Variants in NRG3 observed in about 807,000 individuals in gnomAD.
The protein encoded by NRG3 is pro-neuregulin-3, membrane-bound isoform.
In NRG3, 31 loss-of-function variants were observed where a neutral mutation model predicts 66.9. The observed-to-expected ratio is 0.46, with a 90% CI of 0.35 to 0.63. The LOEUF is 0.63. Among genes scored for constraint, NRG3 ranks in the 20% least tolerant of loss-of-function variants. The pLI is 0.00. For synonymous variants in NRG3, 393 were observed against 359.4 expected (o/e 1.09, Z -1.06); for missense variants, 910 against 878.9 (o/e 1.04, Z -0.45).
intron 1 of NRG3, among the ~76,000 whole-genome samples, chr10:82,253,919 A>G (rs1414772): frequency 0.44 from 66,220 of 151,926 alleles, 16,309 homozygotes; most frequent in African/African-American, 0.68. Flanking sequence ...TTCCAATTCA[A>G]TGTATTTTGC....
intron 1 of NRG3, among the ~76,000 whole-genome samples, chr10:82,342,955 GAT>G (rs1287465095): frequency 6.6e-6 from 1 of 152,046 alleles, no homozygotes; most frequent in Admixed American, 6.6e-5. Context: ...TATGGTAAGA[GAT>G]ATGGGTATGG....
At chr10:82,489,979 A>G (rs551206950) in intron 2 of NRG3, among the ~76,000 whole-genome samples, 116 of 152,300 alleles carry the variant, frequency 7.6e-4, no homozygotes, top group African/African-American at 2.7e-3. Flanking sequence ...AAGATAGGGA[A>G]GCCAAGGCAC....
chr10:82,508,949 A>G (rs1844919239), intron 2 of NRG3, among the ~76,000 whole-genome samples: 1 of 152,170 alleles, frequency 6.6e-6, no homozygotes, highest in Non-Finnish European at 1.5e-5. Flanking sequence ...GAGTTTTCCT[A>G]GTGATCTTAT....
intron 3 of NRG3, among the ~76,000 whole-genome samples, chr10:82,823,453 G>T (rs907620513): frequency 6.6e-6 from 1 of 152,188 alleles, no homozygotes; most frequent in African/African-American, 2.4e-5. Context: ...ACTAGAATGT[G>T]ACAGTGAACC....
chr10:82,636,994 A>G (rs982637097), intron 2 of NRG3, among the ~76,000 whole-genome samples: 9 of 152,134 alleles, frequency 5.9e-5, no homozygotes, highest in Admixed American at 2.6e-4. Flanking sequence ...TACAAAGTAC[A>G]ACATGAAGAC....
intron 2 of NRG3, among the ~76,000 whole-genome samples, chr10:82,623,487 C>T (rs936124452): frequency 6.6e-6 from 1 of 152,114 alleles, no homozygotes; most frequent in East Asian, 1.9e-4. Context: ...CTCATTTATT[C>T]ATCCATCCCA....
intron 1 of NRG3, among the ~76,000 whole-genome samples, chr10:82,008,441 G>A (rs1008886566): frequency 6.6e-6 from 1 of 152,186 alleles, no homozygotes; most frequent in Non-Finnish European, 1.5e-5. Context: ...GTGCTAAATA[G>A]AAAAATAGAA....
In NRG3 at chr10:82,567,737, A is replaced by G. The variant is rs115216286; in HGVS notation, c.954-170840A>G. 4.3e-3 allele frequency among the ~76,000 whole-genome samples: 657 copies of G among 152,070 alleles called. 2 individuals carry two copies. Among genetic ancestry groups the G allele is most frequent in the African/African-American group, 0.015 (627 of 41,534 alleles). ...CCTTACTCCTTCATTGAATTGTCCT[A>G]AATCCTGCTGGTACTGCTTCCAAAT... is the stretch of plus-strand genomic sequence containing the variant. On this transcript the variant is annotated intron_variant, in intron 2 of 8. Transcript: ENST00000372141.
At chr10:82,216,735 G>T (rs929015140) in intron 1 of NRG3, among the ~76,000 whole-genome samples, 14 of 151,892 alleles carry the variant, frequency 9.2e-5, no homozygotes, top group Non-Finnish European at 1.5e-5. Flanking sequence ...TTGTTAAACT[G>T]AAAATAATCA....
chr10:82,571,786 C>CA (rs2045750773), intron 2 of NRG3, among the ~76,000 whole-genome samples: 1 of 151,508 alleles, frequency 6.6e-6, no homozygotes, highest in Non-Finnish European at 1.5e-5. Context: ...AACAAATATA[C>CA]AAAAAGCCCA....
chr10:81,984,614 C>T (rs182096754), intron 1 of NRG3, among the ~76,000 whole-genome samples: 50 of 152,322 alleles, frequency 3.3e-4, no homozygotes, highest in African/African-American at 1.2e-3. Context: ...AACTCCTATT[C>T]ACTCGTCAAG....
At chr10:82,219,308 T>G (rs958056372) in intron 1 of NRG3, among the ~76,000 whole-genome samples, 1 of 147,722 alleles carries the variant, frequency 6.8e-6, no homozygotes, top group Non-Finnish European at 1.5e-5. Context: ...TCAAAAAAAT[T>G]TTTTGGCAAT....
intron 1 of NRG3, among the ~76,000 whole-genome samples, chr10:82,261,964 C>T (rs930595967): frequency 2.0e-5 from 3 of 152,100 alleles, no homozygotes; most frequent in African/African-American, 7.2e-5. Flanking sequence ...TAAACAGAGA[C>T]CTCCCCCTTC....
chr10:82,690,940 C>T (rs1193550372), intron 2 of NRG3, among the ~76,000 whole-genome samples: 1 of 152,132 alleles, frequency 6.6e-6, no homozygotes, highest in Non-Finnish European at 1.5e-5. Flanking sequence ...CTCTTTCTTC[C>T]AGCCTGGTAC....
intron 3 of NRG3, among the ~76,000 whole-genome samples, chr10:82,787,872 C>A (rs970219868): frequency 1.3e-5 from 2 of 152,128 alleles, no homozygotes; most frequent in African/African-American, 4.8e-5. Context: ...TGGGGAGAAC[C>A]ACTTGGCTAT....
intron 2 of NRG3, among the ~76,000 whole-genome samples, chr10:82,558,521 A>C (rs1050063308): frequency 5.9e-5 from 9 of 152,298 alleles, no homozygotes; most frequent in South Asian, 2.1e-4. Context: ...GCAGCAATCA[A>C]GACCTGCTGG....
At chr10:82,414,640 T>C (rs578049297) in intron 2 of NRG3, among the ~76,000 whole-genome samples, 4 of 152,256 alleles carry the variant, frequency 2.6e-5, no homozygotes, top group African/African-American at 9.6e-5. Flanking sequence ...AAATAAGCTA[T>C]ACCTTTAGGG....
intron 1 of NRG3, among the ~76,000 whole-genome samples, chr10:81,937,175 C>T (rs1479681656): frequency 6.6e-6 from 1 of 152,046 alleles, no homozygotes; most frequent in African/African-American, 2.4e-5. Flanking sequence ...ACCATTCATC[C>T]ACGGATGGAC....
rs1554884245 is a variant in NRG3 at position 82,321,310 on chromosome 10, G to GC, written c.824-37429_824-37428insC. 4.7e-5 allele frequency among the ~76,000 whole-genome samples: 7 copies of GC among 148,492 alleles called. 1 individual carries two copies. Among genetic ancestry groups the GC allele is most frequent in the African/African-American group, 1.7e-4 (7 of 40,652 alleles). On this transcript the variant is annotated intron_variant, in intron 1 of 8. Coordinates refer to ENST00000372141, the MANE Select transcript of NRG3 (RefSeq NM_001010848.4). ...CATCCTGTGGCAGGGGTGGGGGTGG[G>GC]GGTCAGGGAACTCTCCTGTTTCACC...
Sources: gnomAD v4.1 joint callset for allele counts (sites outside exome capture counted in the v4.1 genomes callset) on GRCh38, gnomAD v4.1.1 for gene constraint, MANE v1.5 for transcripts, NCBI Gene and HGNC (gene_info 2026-07-23, HGNC 2026-07-21) for gene names.